ROBO2: variants seen among roughly 807,000 people sequenced by gnomAD.
ROBO2 encodes roundabout homolog 2.
ROBO2 carries 53 observed loss-of-function variants against 160.8 expected under a neutral mutation model. That is an observed-to-expected ratio of 0.33 (90% CI 0.26 to 0.41). ROBO2 has a LOEUF of 0.41. Among genes scored for constraint, ROBO2 ranks in the 10% least tolerant of loss-of-function variants. The pLI is 1.00. For synonymous variants in ROBO2, 664 were observed against 611.7 expected (o/e 1.09, Z -1.26); for missense variants, 1,577 against 1,722.4 (o/e 0.92, Z 1.49).
At chr3:77,483,499 A>T (rs2153591378) in intron 4 of ROBO2, among the ~76,000 whole-genome samples, 1 of 151,928 alleles carries the variant, frequency 6.6e-6, no homozygotes, top group Non-Finnish European at 1.5e-5. Context: ...TTGACCAAAT[A>T]TTTATATAAG....
At chr3:76,903,771 G>T (rs1024701648) in intron 2 of ROBO2, among the ~76,000 whole-genome samples, 1 of 152,004 alleles carries the variant, frequency 6.6e-6, no homozygotes, top group Admixed American at 6.6e-5. Context: ...AGAATTCCCC[G>T]ATAGCCATTT....
chr3:76,397,094 CA>C (rs2077502362), intron 2 of ROBO2, among the ~76,000 whole-genome samples: 1 of 152,092 alleles, frequency 6.6e-6, no homozygotes, highest in Non-Finnish European at 1.5e-5. Context: ...CTACAGTAAC[CA>C]AAACGGCATG....
chr3:76,777,610 G>A (rs1395846376), intron 2 of ROBO2, among the ~76,000 whole-genome samples: 1 of 147,712 alleles, frequency 6.8e-6, no homozygotes, highest in Non-Finnish European at 1.5e-5. Context: ...GTAGTTATTT[G>A]TCCTACATTG....
At position 77,294,593 on chromosome 3, in the gene ROBO2, T is replaced by C. The variant is rs2061802323; in HGVS notation, c.389-182821T>C. 1.4e-5 allele frequency among the ~76,000 whole-genome samples: 2 copies of C among 146,442 alleles called. 1 individual carries two copies. Among genetic ancestry groups the C allele is most frequent in the African/African-American group, 5.3e-5 (2 of 37,864 alleles). ...GACGGTTAAACAGGTAAGCTGAGGC[T>C]AGATCATCAAAGACATAAAGTAAAA... On this transcript the variant is annotated intron_variant, in intron 2 of 25. Coordinates refer to ENST00000461745, the Ensembl canonical transcript of ROBO2.
intron 2 of ROBO2, among the ~76,000 whole-genome samples, chr3:76,509,969 C>T (rs995559344): frequency 2.6e-5 from 4 of 151,932 alleles, no homozygotes; most frequent in African/African-American, 7.2e-5. Flanking sequence ...GTCCCCAAGG[C>T]GAATATAGAC....
intron 2 of ROBO2, among the ~76,000 whole-genome samples, chr3:76,574,053 T>C (rs995815671): frequency 2.0e-5 from 3 of 152,118 alleles, no homozygotes; most frequent in Non-Finnish European, 4.4e-5. Flanking sequence ...TAGAGTGTAT[T>C]TGAGAGCAGA....
chr3:76,863,055 G>A (rs13095918), intron 2 of ROBO2, among the ~76,000 whole-genome samples: 9,311 of 151,904 alleles, frequency 0.061, 312 homozygotes, highest in East Asian at 0.11. Flanking sequence ...TAAATCTTTC[G>A]TGCTGTAACT....
intron 2 of ROBO2, among the ~76,000 whole-genome samples, chr3:77,005,649 G>T (rs1391712133): frequency 6.6e-6 from 1 of 152,178 alleles, no homozygotes; most frequent in Non-Finnish European, 1.5e-5. Flanking sequence ...ACAGTAGAAG[G>T]TTGTAAGGAA....
intron 2 of ROBO2, among the ~76,000 whole-genome samples, chr3:76,170,031 C>G (rs563673539): frequency 1.6e-4 from 24 of 152,296 alleles, no homozygotes; most frequent in African/African-American, 5.5e-4. Flanking sequence ...CCACTCGGCT[C>G]AGCCTCCCAA....
chr3:76,256,382 G>A (rs1343146046), intron 2 of ROBO2, among the ~76,000 whole-genome samples: 2 of 114,042 alleles, frequency 1.8e-5, no homozygotes, highest in African/African-American at 5.8e-5. Context: ...ACACACGCAA[G>A]GTATGGTTGA....
intron 2 of ROBO2, among the ~76,000 whole-genome samples, chr3:77,166,867 G>C (rs1273866736): frequency 6.6e-6 from 1 of 152,146 alleles, no homozygotes; most frequent in Admixed American, 6.5e-5. Context: ...CCGACACAGA[G>C]GTTTTTAAGC....
chr3:76,561,106 G>T (rs1381580695), intron 2 of ROBO2, among the ~76,000 whole-genome samples: 2 of 151,224 alleles, frequency 1.3e-5, no homozygotes, highest in Non-Finnish European at 2.9e-5. Context: ...CCATGGAATA[G>T]CCTGAAAAAA....
At chr3:76,873,692 A>T (rs2072383377) in intron 2 of ROBO2, among the ~76,000 whole-genome samples, 1 of 152,162 alleles carries the variant, frequency 6.6e-6, no homozygotes, top group Non-Finnish European at 1.5e-5. Context: ...CAGCCTCCCA[A>T]GTAGCTGGGA....
chr3:77,636,225 T>A (rs1341468902), intron 24 of ROBO2, among the ~76,000 whole-genome samples: 1 of 152,150 alleles, frequency 6.6e-6, no homozygotes, highest in African/African-American at 2.4e-5. Context: ...ATAGTAAATA[T>A]CTTTGGCTTT....
intron 2 of ROBO2, among the ~76,000 whole-genome samples, chr3:76,835,506 T>C (rs1333731006): frequency 6.7e-6 from 1 of 150,098 alleles, no homozygotes; most frequent in African/African-American, 2.4e-5. Flanking sequence ...AGGCAAAGAC[T>C]AATAGATGTA....
chr3:77,550,709 T>A, intron 7 of ROBO2, 109 bp from the exon 9 acceptor site: 2 of 1,110,294 alleles, frequency 1.8e-6, no homozygotes, highest in African/African-American at 1.6e-5. Flanking sequence ...TATATTTTAA[T>A]CTGTGTATTT....
At chr3:77,545,991 T>C (rs956585953) in intron 6 of ROBO2, among the ~76,000 whole-genome samples, 10 of 152,240 alleles carry the variant, frequency 6.6e-5, no homozygotes, top group Admixed American at 6.5e-4. Flanking sequence ...GTGATTCTTT[T>C]CTTATCTTTA....
intron 2 of ROBO2, among the ~76,000 whole-genome samples, chr3:76,154,388 G>A (rs1450827044): frequency 2.0e-5 from 3 of 152,022 alleles, no homozygotes; most frequent in Non-Finnish European, 4.4e-5. Context: ...TTTTTAAGAT[G>A]ATTACACTAC....
intron 2 of ROBO2, among the ~76,000 whole-genome samples, chr3:76,764,250 T>G (rs1279458217): frequency 9.2e-6 from 1 of 108,512 alleles, no homozygotes; most frequent in African/African-American, 3.6e-5. Context: ...CACGGCTAAG[T>G]TAAATTATGT....
Sources: gnomAD v4.1 joint callset for allele counts (sites outside exome capture counted in the v4.1 genomes callset) on GRCh38, gnomAD v4.1.1 for gene constraint, MANE v1.5 for transcripts, NCBI Gene and HGNC (gene_info 2026-07-23, HGNC 2026-07-21) for gene names.